STARD13: variants seen among roughly 807,000 people sequenced by gnomAD.
The protein encoded by STARD13 is StAR related lipid transfer domain containing 13, also known as stAR-related lipid transfer protein 13.
A neutral mutation model predicts 106.4 loss-of-function variants in STARD13; 62 were observed. The ratio of observed to expected loss-of-function variants is 0.58; its 90% CI spans 0.48 to 0.72. The LOEUF is 0.72. Among genes scored for constraint, STARD13 ranks in the 30% least tolerant of loss-of-function variants. STARD13 has a pLI of 0.00. For synonymous variants in STARD13, 565 were observed against 553.0 expected (o/e 1.02, Z -0.31); for missense variants, 1,387 against 1,424.0 (o/e 0.97, Z 0.42).
At chr13:33,613,570 C>T in the STARD13 span, among the ~76,000 whole-genome samples, 1 of 152,114 alleles carries the variant, frequency 6.6e-6, no homozygotes, top group East Asian at 1.9e-4. Context: ...AGCCAAGCAC[C>T]CAGAAAGGAG....
chr13:33,631,108 G>A, the STARD13 span, among the ~76,000 whole-genome samples: 1 of 152,266 alleles, frequency 6.6e-6, no homozygotes, highest in Middle Eastern at 3.4e-3. Flanking sequence ...TCCAGCCCTG[G>A]AAAGTGTTAA....
the STARD13 span, among the ~76,000 whole-genome samples, chr13:33,467,088 A>T: frequency 6.6e-6 from 1 of 152,032 alleles, no homozygotes; most frequent in Non-Finnish European, 1.5e-5. Context: ...CATTACATTT[A>T]TTGTTAACTT....
chr13:33,615,495 A>G, the STARD13 span, among the ~76,000 whole-genome samples: 1 of 152,324 alleles, frequency 6.6e-6, no homozygotes, highest in African/African-American at 2.4e-5. Flanking sequence ...TTGTTGGAGA[A>G]GTGCTTCTCT....
At chr13:33,601,028 A>G in the STARD13 span, among the ~76,000 whole-genome samples, 4 of 152,174 alleles carry the variant, frequency 2.6e-5, no homozygotes, top group African/African-American at 9.7e-5. Context: ...TTCATTTTTC[A>G]TTAACATGGG....
chr13:33,164,432 C>T (rs1018517159), intron 3 of STARD13: 1 of 152,098 alleles, frequency 6.6e-6, no homozygotes, highest in African/African-American at 2.4e-5. Flanking sequence ...CTAGAAAGAA[C>T]ATTGGATTTA....
chr13:33,224,695 A>T (rs1888530284), intron 1 of STARD13, among the ~76,000 whole-genome samples: 1 of 152,242 alleles, frequency 6.6e-6, no homozygotes, highest in African/African-American at 2.4e-5. Flanking sequence ...AAAGAGTTAC[A>T]TTAGAATATT....
intron 1 of STARD13, among the ~76,000 whole-genome samples, chr13:33,329,021 T>G (rs1033391703): frequency 1.3e-5 from 2 of 152,236 alleles, no homozygotes; most frequent in Non-Finnish European, 2.9e-5. Context: ...GTGCAGCTGT[T>G]CAATGCATAT....
At chr13:33,532,574 C>T in the STARD13 span, among the ~76,000 whole-genome samples, 1 of 152,066 alleles carries the variant, frequency 6.6e-6, no homozygotes, top group Admixed American at 6.6e-5. Flanking sequence ...AGAAATTTTT[C>T]TATCTTGAAG....
chr13:33,548,635 A>G, the STARD13 span, among the ~76,000 whole-genome samples: 2 of 152,206 alleles, frequency 1.3e-5, no homozygotes, highest in Admixed American at 6.5e-5. Flanking sequence ...TTTTAAAAAA[A>G]TATTTCCAGG....
At chr13:33,236,035 C>A (rs1215837599) in intron 1 of STARD13, among the ~76,000 whole-genome samples, 1 of 152,158 alleles carries the variant, frequency 6.6e-6, no homozygotes, top group Non-Finnish European at 1.5e-5. Flanking sequence ...ATATATCTTG[C>A]TCTCTTAAAG....
chr13:33,657,280 AAAG>A, the STARD13 span, among the ~76,000 whole-genome samples: 3,082 of 13,678 alleles, frequency 0.23, 104 homozygotes, highest in African/African-American at 0.31. Context: ...ACAAACAAAC[AAAG>A]AAAAAAAACA....
intron 1 of STARD13, among the ~76,000 whole-genome samples, chr13:33,202,502 C>A (rs765592378): frequency 1.7e-4 from 26 of 152,172 alleles, no homozygotes; most frequent in Non-Finnish European, 2.6e-4. Flanking sequence ...CTACAGCGAG[C>A]ACCAGGGAGT....
chr13:33,530,549 C>T, the STARD13 span, among the ~76,000 whole-genome samples: 1 of 152,144 alleles, frequency 6.6e-6, no homozygotes. Context: ...TTTTCCCAAT[C>T]TGAATTTTGC....
the STARD13 span, among the ~76,000 whole-genome samples, chr13:33,501,695 G>C: frequency 5.6e-4 from 85 of 152,146 alleles, 1 homozygote; most frequent in African/African-American, 1.9e-3. Context: ...AATGGTTGTA[G>C]ATGTGTGGTA....
the STARD13 span, among the ~76,000 whole-genome samples, chr13:33,452,449 T>C: frequency 6.6e-6 from 1 of 152,228 alleles, no homozygotes; most frequent in African/African-American, 2.4e-5. Context: ...GCTTAAATAC[T>C]GCCTCCAACT....
the STARD13 span, among the ~76,000 whole-genome samples, chr13:33,407,459 A>G: frequency 6.6e-6 from 1 of 152,116 alleles, no homozygotes; most frequent in Non-Finnish European, 1.5e-5. Context: ...TGCTTTTTGC[A>G]TTTTGGGTTT....
chr13:33,318,241 T>G (rs1409447195), intron 1 of STARD13, among the ~76,000 whole-genome samples: 2 of 152,204 alleles, frequency 1.3e-5, no homozygotes, highest in South Asian at 4.1e-4. Flanking sequence ...AAACTTACAA[T>G]TGACTCACTC....
At chr13:33,402,930 C>T in the STARD13 span, among the ~76,000 whole-genome samples, 2 of 152,334 alleles carry the variant, frequency 1.3e-5, no homozygotes, top group African/African-American at 2.4e-5. Flanking sequence ...CCTTCAAGCC[C>T]GTGTGTGAAC....
At chr13:33,154,879 C>T (rs776885414) in intron 3 of STARD13, among the ~76,000 whole-genome samples, 2 of 152,144 alleles carry the variant, frequency 1.3e-5, no homozygotes, top group Admixed American at 1.3e-4. Context: ...GCGCGGGAAC[C>T]GGCTGCTCAG....
Sources: gnomAD v4.1 joint callset for allele counts (sites outside exome capture counted in the v4.1 genomes callset) on GRCh38, gnomAD v4.1.1 for gene constraint, MANE v1.5 for transcripts, NCBI Gene and HGNC (gene_info 2026-07-23, HGNC 2026-07-21) for gene names.